Variants in TPRKB observed in about 807,000 individuals in gnomAD.
TPRKB encodes the protein TP53RK binding protein.
Under a neutral mutation model 17.8 loss-of-function variants are expected in TPRKB, and 11 were observed. That is an observed-to-expected ratio of 0.62 (90% CI 0.39 to 1.02). TPRKB has a LOEUF of 1.02. TPRKB is among the 50% of genes least tolerant of loss of function. TPRKB has a pLI of 0.00. For missense variants in TPRKB, 228 were observed against 198.0 expected (o/e 1.15, Z -0.91); for synonymous variants, 71 against 69.5 (o/e 1.02, Z -0.11).
At position 73,730,606 on chromosome 2, in the gene TPRKB, G is replaced by T; in HGVS notation, c.395C>A (p.Ser132Tyr). ...CATTATTTCAGGAAGATTTTTCAGA[G>T]AAACCTGATGACCTTCTACTTGAGA... is the stretch of plus-strand genomic sequence containing the variant. ...LISQVEGHQV[S>Y]LKNLPEIMNI... The change falls in exon 4 of 5, where the codon TCT (serine) becomes TAT (tyrosine). Residue 132 changes from serine to tyrosine, a missense_variant. Transcript: ENST00000272424. 1 of 1,590,570 alleles carries T rather than the reference G, an allele frequency of 6.3e-7. No homozygotes were observed. Among genetic ancestry groups the T allele is most frequent in the African/African-American group, 1.4e-5 (1 of 73,308 alleles).
At chr2:73,736,043 C>T (rs2103872768) in intron 1 of TPRKB, among the ~76,000 whole-genome samples, 1 of 151,804 alleles carries the variant, frequency 6.6e-6, no homozygotes, top group African/African-American at 2.4e-5. Flanking sequence ...CACAAACTGG[C>T]CAAAATGTGG....
rs146638625 is a variant in TPRKB at position 73,732,363 on chromosome 2, A to C, written c.142-78T>G. On this transcript the variant is annotated intron_variant, in intron 2 of 4. Coordinates refer to ENST00000272424, the MANE Select transcript of TPRKB (RefSeq NM_016058.5). ...GAAAACACATGGTAACTCATGGTTA[A>C]CTCCAGTGTCAAGCTGTTTTACTTC... The C allele has an allele frequency of 1.3e-4, 185 of 1,451,858 alleles. No individual in the cohort carries two copies. In the African/African-American group the frequency reaches 2.4e-3, roughly 19 times the overall value. 89.9% of individuals were successfully genotyped at this position (1,451,858 alleles called of 1,614,324 possible).
chr2:73,732,311 A>G (rs1269279495), intron 2 of TPRKB, 26 bp from the exon 3 acceptor site: 1 of 1,606,948 alleles, frequency 6.2e-7, no homozygotes, highest in Non-Finnish European at 8.5e-7. Context: ...AAAAGAATTA[A>G]TTACACATGG....
chr2:73,737,002 G>C (rs898614863), intron 1 of TPRKB, among the ~76,000 whole-genome samples: 1 of 152,206 alleles, frequency 6.6e-6, no homozygotes, highest in South Asian at 2.1e-4. Flanking sequence ...TCCATTTGGA[G>C]TCCATTTACT....
At chr2:73,732,333 T>C in intron 2 of TPRKB, 48 bp from the exon 3 acceptor site, 3 of 1,587,724 alleles carry the variant, frequency 1.9e-6, no homozygotes, top group Non-Finnish European at 2.6e-6. Flanking sequence ...GAATCTGCAG[T>C]GCCTGAAAAC....
At chr2:73,734,806 C>G (rs1383531268) in intron 1 of TPRKB, among the ~76,000 whole-genome samples, 1 of 152,176 alleles carries the variant, frequency 6.6e-6, no homozygotes. Flanking sequence ...GCCAAGGGGC[C>G]CAGCTGGTTG....
At chr2:73,733,245 T>C (rs1006646950) in intron 2 of TPRKB, among the ~76,000 whole-genome samples, 4 of 112,650 alleles carry the variant, frequency 3.6e-5, no homozygotes, top group African/African-American at 6.1e-5. Flanking sequence ...GCGTGTGCCC[T>C]GTTTTTTTGT....
At chr2:73,736,266 A>AAAAG (rs1247768924) in intron 1 of TPRKB, among the ~76,000 whole-genome samples, 1 of 152,206 alleles carries the variant, frequency 6.6e-6, no homozygotes, top group Non-Finnish European at 1.5e-5. Context: ...CAATTATATA[A>AAAAG]AAAGATACAC....
chr2:73,736,815 T>C (rs1671905159), intron 1 of TPRKB, among the ~76,000 whole-genome samples: 1 of 152,184 alleles, frequency 6.6e-6, no homozygotes, highest in South Asian at 2.1e-4. Flanking sequence ...AGCCCCAACT[T>C]TGTGTCACGG....
At chr2:73,733,254 G>T (rs2421556) in intron 2 of TPRKB, among the ~76,000 whole-genome samples, 79,562 of 132,270 alleles carry the variant, frequency 0.6, 24,122 homozygotes, top group East Asian at 0.69. Flanking sequence ...CTGTTTTTTT[G>T]TTTTTTTTTT....
chr2:73,730,831 G>T, intron 3 of TPRKB, 95 bp from the exon 4 acceptor site: 2 of 920,610 alleles, frequency 2.2e-6, no homozygotes, highest in Non-Finnish European at 3.1e-6. Context: ...CCTTGGTCAG[G>T]CTCTTATTTT....
chr2:73,731,931 A>G, intron 3 of TPRKB: 1 of 401,688 alleles, frequency 2.5e-6, no homozygotes, highest in Non-Finnish European at 4.4e-6. Flanking sequence ...CCTATATGGT[A>G]AGAACAGATA....
At chr2:73,730,946 G>C (rs1291434234) in intron 3 of TPRKB, 2 of 398,066 alleles carry the variant, frequency 5.0e-6, no homozygotes, top group Non-Finnish European at 8.8e-6. Flanking sequence ...GGTACGCCTT[G>C]TTCCTATGGA....
rs537392414 is a variant in TPRKB at position 73,730,127 on chromosome 2, A to G, written c.442-98T>C. On this transcript the variant is annotated intron_variant, in intron 4 of 4. Transcript: ENST00000272424. ...TGTAAGTGAAATTATTCCTCATTCA[A>G]TTATTGGGTTCATGGTATAACAAAC... 8.3e-6 allele frequency: 11 copies of G among 1,331,616 alleles called. No homozygotes were observed. The East Asian group carries it at 2.3e-4, about 28-fold the overall frequency. 82.5% of individuals were successfully genotyped at this position (1,331,616 alleles called of 1,614,324 possible).
Position 73,734,419 on chromosome 2 carries a change from T to C in TPRKB, c.141+10A>G, listed in dbSNP as rs1275048154. 6.2e-7 allele frequency: 1 copy of C among 1,605,452 alleles called. No homozygotes were observed. Among genetic ancestry groups the C allele is most frequent in the East Asian group, 2.2e-5 (1 of 44,820 alleles). On this transcript the variant is annotated intron_variant, in intron 2 of 4. Coordinates refer to ENST00000272424, the MANE Select transcript of TPRKB (RefSeq NM_016058.5). Reference sequence around the variant, plus strand: ...CAGCAGGCTCATTCATTCTTAAAATTTATATTTACCACTGTAGGATTTATC... The same window carrying C: ...CAGCAGGCTCATTCATTCTTAAAATCTATATTTACCACTGTAGGATTTATC...
At chr2:73,730,535 T>G in intron 4 of TPRKB, 25 bp downstream of exon 4, 1 of 1,532,112 alleles carries the variant, frequency 6.5e-7, no homozygotes, top group South Asian at 1.2e-5. Context: ...TATCACACTC[T>G]TTCTAAAAAT....
At chr2:73,733,246 G>GTTTTTTTTTTTTTTT (rs3076394) in intron 2 of TPRKB, among the ~76,000 whole-genome samples, 4 of 119,378 alleles carry the variant, frequency 3.4e-5, no homozygotes, top group African/African-American at 5.9e-5. Flanking sequence ...CGTGTGCCCT[G>GTTTTTTTTTTTTTTT]TTTTTTTGTT....
At chr2:73,737,265 T>G (rs1310007126) in intron 1 of TPRKB, 37 bp downstream of exon 1, 1 of 152,060 alleles carries the variant, frequency 6.6e-6, no homozygotes, top group Non-Finnish European at 1.5e-5. Context: ...ACCCTCCCGC[T>G]CCCGAGCCTG....
rs368782517 is a variant in TPRKB, at chr2:73,734,430, A to G, written c.140T>C (p.Val47Ala). The change falls in exon 2 of 5, where the codon GTG becomes GCG. Residue 47 changes from valine (V) to alanine (A), a missense_variant and splice_region_variant. Transcript: ENST00000272424. Reference sequence around the variant, plus strand: ...TTCATTCTTAAAATTTATATTTACCACTGTAGGATTTATCAGTGATCCATC... The same window carrying G: ...TTCATTCTTAAAATTTATATTTACCGCTGTAGGATTTATCAGTGATCCATC... ...TIDGSLINPT[V>A]IVDPFQILVA... 2 of 1,607,922 alleles carry G rather than the reference A, an allele frequency of 1.2e-6. No homozygotes were observed. Among genetic ancestry groups the G allele is most frequent in the Non-Finnish European group, 1.7e-6 (2 of 1,178,458 alleles).
Sources: gnomAD v4.1 joint callset for allele counts (sites outside exome capture counted in the v4.1 genomes callset) on GRCh38, gnomAD v4.1.1 for gene constraint, MANE v1.5 for transcripts, NCBI Gene and HGNC (gene_info 2026-07-23, HGNC 2026-07-21) for gene names.